Variants in ATG9B observed in about 807,000 individuals in gnomAD.
ATG9B encodes autophagy related 9B.
Under a neutral mutation model 92.9 loss-of-function variants are expected in ATG9B, and 92 were observed. That is an observed-to-expected ratio of 0.99 (90% CI 0.84 to 1.18). ATG9B has a LOEUF of 1.18. Among genes scored for constraint, ATG9B ranks in the 50% most tolerant of loss-of-function variants. The pLI is 0.00. For synonymous variants in ATG9B, 599 were observed against 551.4 expected (o/e 1.09, Z -1.21); for missense variants, 1,344 against 1,235.0 (o/e 1.09, Z -1.32).
intron 4 of ATG9B, 114 bp from the exon 5 acceptor site, chr7:151,021,443 G>C: frequency 7.1e-7 from 1 of 1,403,726 alleles, no homozygotes; most frequent in Non-Finnish European, 9.4e-7. Flanking sequence ...AGCTAGACCA[G>C]CAGCTCTCAA....
At chr7:151,020,468 T>G (rs1423108192) in intron 5 of ATG9B, 3 of 152,618 alleles carry the variant, frequency 2.0e-5, no homozygotes, top group Non-Finnish European at 4.4e-5. Flanking sequence ...TTCCCCGGCC[T>G]CCTCCCTCTC....
chr7:151,023,282 A>T, intron 3 of ATG9B, 76 bp from the exon 4 acceptor site: 2 of 1,607,072 alleles, frequency 1.2e-6, no homozygotes, highest in Non-Finnish European at 1.7e-6. Flanking sequence ...CCCAGCCCCC[A>T]GAGCAGCCCA....
Position 151,019,045 on chromosome 7 carries a change from T to G in ATG9B, c.1293A>C (p.Leu431=). 6.5e-7 allele frequency: 1 copy of G among 1,540,866 alleles called. No homozygotes were observed. Among genetic ancestry groups the G allele is most frequent in the Non-Finnish European group, 8.7e-7 (1 of 1,148,394 alleles). ...AYKRSDQRGA[L]AARWGRTVLL... The stretch of plus-strand genomic sequence containing the variant: ...GCACTGTGCGCCCCCAGCGCGCTGC[T>G]AGGGCGCCCCGCTGGTCGCTGCGCT... The change falls in exon 6 of 14, where the codon CTA becomes CTC. Residue 431 remains leucine (L), a synonymous_variant. Coordinates refer to ENST00000639579, the MANE Select transcript of ATG9B (RefSeq NM_001317056.2).
At position 151,018,571 on chromosome 7, in the gene ATG9B, G is replaced by C. The variant is rs374596040; in HGVS notation, c.1718+49C>G. On this transcript the variant is annotated intron_variant, in intron 6 of 13. Transcript: ENST00000639579. The surrounding 1 kb of genome is among the most constrained non-coding windows in gnomAD (Gnocchi z 4.7). ...TCGGGGGGAACCTCACATGGCCCCAGATCAGAGAAACCAACACACACCACC... is the reference window on the plus strand; with the variant it reads ...TCGGGGGGAACCTCACATGGCCCCACATCAGAGAAACCAACACACACCACC... 3.2e-6 allele frequency: 5 copies of C among 1,568,286 alleles called. No homozygotes were observed. The highest frequency in any genetic ancestry group is 4.3e-6 in the Non-Finnish European group (5 of 1,162,748).
Position 151,016,158 on chromosome 7 carries a change from G to A in ATG9B, c.2598C>T (p.Pro866=), listed in dbSNP as rs1402000477. ...ASILSRPCSS[P]SQPPSPDEEK... ...CCTCATCAGGCGAGGGTGGCTGTGA[G>A]GGGCTGGAGCAGGGCCTGGACAGGA... Residue 866 remains proline, a synonymous_variant, in exon 12 of 14, where the codon CCC becomes CCT. Transcript: ENST00000639579. 1 of 1,540,192 alleles carries A rather than the reference G, an allele frequency of 6.5e-7. No homozygotes were observed.
chr7:151,023,541 AC>A, intron 2 of ATG9B, 32 bp from the exon 3 acceptor site: 1 of 1,612,422 alleles, frequency 6.2e-7, no homozygotes, highest in Non-Finnish European at 8.5e-7. Context: ...AGCCTGAGGC[AC>A]GGGGGGCCTC....
intron 4 of ATG9B, among the ~76,000 whole-genome samples, chr7:151,021,755 T>C (rs533679796): frequency 6.6e-6 from 1 of 151,886 alleles, no homozygotes; most frequent in South Asian, 2.1e-4. Context: ...GTTCAAATGA[T>C]TCTCCTGTCT....
In ATG9B at chr7:151,019,084, C is replaced by T; in HGVS notation, c.1254G>A (p.Leu418=). ...GGTCGCTGCGCTTGTAGGCGTGCGG[C>T]AGCTCCCAGCCCCCGCGGAAGAGCG... ...PFSLFRGGWE[L]PHAYKRSDQR... is the part of the protein sequence containing the mutation. Residue 418 remains leucine (L), a synonymous_variant, in exon 6 of 14, where the codon CTG becomes CTA. Transcript: ENST00000639579. 3 of 1,535,756 alleles carry T rather than the reference C, an allele frequency of 2.0e-6. No homozygotes were observed. The highest frequency in any genetic ancestry group is 2.6e-6 in the Non-Finnish European group (3 of 1,146,362).
At chr7:151,013,613 C>A, downstream of ATG9B, 1 of 1,122,008 alleles carries the variant, frequency 8.9e-7, no homozygotes, top group Non-Finnish European at 1.2e-6. Context: ...GGCACGCAGG[C>A]CCCACCAGGC....
At chr7:151,013,035 C>T, downstream of ATG9B, 2 of 618,866 alleles carry the variant, frequency 3.2e-6, no homozygotes, top group African/African-American at 3.8e-5. Flanking sequence ...CCGCGCTTCC[C>T]TTCCCTCTGT....
At position 151,016,719 on chromosome 7, in the gene ATG9B, C is replaced by G; in HGVS notation, c.2392G>C (p.Ala798Pro). The change falls in exon 10 of 14, where the codon GCC becomes CCC. Residue 798 changes from alanine (A) to proline (P), a missense_variant. Physicochemically the swap from Ala to Pro is conservative, Grantham distance 27 (BLOSUM62 -1). Coordinates refer to ENST00000639579, the MANE Select transcript of ATG9B (RefSeq NM_001317056.2). ...TCCTGGGCAATTCGGGAAATGGAGG[C>G]AAGGAGGCTGGCTGTGGCCGCAGCT... ...CPAAATASLLASISRIAQDPS... is the reference protein window; with the variant it reads ...CPAAATASLLPSISRIAQDPS... 6.2e-7 allele frequency: 1 copy of G among 1,608,852 alleles called. No homozygotes were observed. The highest frequency in any genetic ancestry group is 2.2e-5 in the East Asian group (1 of 44,756).
rs761523783 is a variant in ATG9B, at chr7:151,023,967, G to A, written c.457C>T (p.Arg153Trp). ...GPLIPEQDYE[R>W]LEDCDPEGSQ... ...CCCTCAGGGTCACAGTCCTCCAGCC[G>A]CTCATAATCCTGTTCAGGGATCAAA... Residue 153 changes from arginine (R) to tryptophan (W), a missense_variant, in exon 1 of 14, where the codon CGG (arginine) becomes TGG (tryptophan). Arg to Trp is a moderately radical substitution (Grantham distance 101). Transcript: ENST00000639579. 11 of 1,590,276 alleles carry A rather than the reference G, an allele frequency of 6.9e-6. No individual in the cohort carries two copies. The highest frequency in any genetic ancestry group is 2.3e-5 in the East Asian group (1 of 43,728).
chr7:151,016,419 C>A lies in ATG9B; in HGVS notation c.2520+12G>T, dbSNP rs148142692. 2.6e-6 allele frequency: 4 copies of A among 1,550,742 alleles called. No homozygotes were observed. The Admixed American group carries it at 5.9e-5, about 23-fold the overall frequency. ...CTCTCCACATTTCTCCTTTGGGCAC[C>A]CCTCTACTCACCTGGTGCAGGTAGA... On this transcript the variant is annotated intron_variant, in intron 11 of 13. Coordinates refer to ENST00000639579, the MANE Select transcript of ATG9B (RefSeq NM_001317056.2).
At chr7:151,012,301 G>T (rs888209006), downstream of ATG9B, 7 of 1,478,174 alleles carry the variant, frequency 4.7e-6, no homozygotes, top group African/African-American at 4.2e-5. Context: ...TGGTGAGAAT[G>T]GTGGAGCAGG....
At chr7:151,017,518 C>T (rs113732642) in intron 8 of ATG9B, among the ~76,000 whole-genome samples, 136 of 152,268 alleles carry the variant, frequency 8.9e-4, no homozygotes, top group African/African-American at 3.1e-3. Context: ...ATCCTGACAG[C>T]CTTGGTCCAG....
chr7:151,023,253 C>T lies in ATG9B; in HGVS notation c.660-47G>A, dbSNP rs376950664. 36 of 1,612,670 alleles carry T rather than the reference C, an allele frequency of 2.2e-5. No individual in the cohort carries two copies. In the African/African-American group the frequency reaches 4.8e-4, roughly 21 times the overall value. On this transcript the variant is annotated intron_variant, in intron 3 of 13. Coordinates refer to ENST00000639579, the MANE Select transcript of ATG9B (RefSeq NM_001317056.2). ...GCCGGGATGCTGCAGTGATCAGGGA[C>T]AGCCAGGTGGGCTCCTGCCCCAGCC...
Position 151,021,170 on chromosome 7 carries a change from C to A in ATG9B, c.963+18G>T. On this transcript the variant is annotated intron_variant, in intron 5 of 13. Transcript: ENST00000639579. ...CCTCTCACGGCACCCTCTGCACAGA[C>A]ACAGCCACCCAGCTCACCGGGGGGA... 6.2e-7 allele frequency: 1 copy of A among 1,612,958 alleles called. No individual in the cohort carries two copies. Among genetic ancestry groups the A allele is most frequent in the Non-Finnish European group, 8.5e-7 (1 of 1,179,688 alleles).
chr7:151,013,447 G>C, downstream of ATG9B: 3 of 1,534,082 alleles, frequency 2.0e-6, no homozygotes, highest in Non-Finnish European at 2.6e-6. Flanking sequence ...GCGCTCTCCA[G>C]CGGGGCACAC....
chr7:151,017,532 C>G (rs1795550741), intron 8 of ATG9B, among the ~76,000 whole-genome samples: 2 of 152,168 alleles, frequency 1.3e-5, no homozygotes, highest in Admixed American at 6.5e-5. Flanking sequence ...GGTCCAGGCA[C>G]CAGTCCTTAC....
Sources: allele counts gnomAD v4.1 joint callset (sites outside exome capture counted in the v4.1 genomes callset), GRCh38; gene constraint gnomAD v4.1.1; non-coding constraint Gnocchi (gnomAD v3.1); transcripts MANE v1.5; gene names NCBI Gene and HGNC (gene_info 2026-07-23, HGNC 2026-07-21).